The following STON1 variants were observed in gnomAD, a reference collection of about 807,000 sequenced individuals.
The protein encoded by STON1 is stonin 1, also known as stonin-1.
In STON1, 79 loss-of-function variants were observed where a neutral mutation model predicts 60.9. The ratio of observed to expected loss-of-function variants is 1.30; its 90% CI spans 1.08 to 1.56. STON1 has a LOEUF of 1.56. Among genes scored for constraint, STON1 ranks in the 40% most tolerant of loss-of-function variants. The pLI is 0.00. For synonymous variants in STON1, 363 were observed against 306.9 expected (o/e 1.18, Z -1.91); for missense variants, 1,166 against 858.9 (o/e 1.36, Z -4.47).
At chr2:48,533,151 A>G (rs1045641431) in intron 1 of STON1, among the ~76,000 whole-genome samples, 3 of 152,124 alleles carry the variant, frequency 2.0e-5, no homozygotes, top group African/African-American at 7.2e-5. Context: ...GGGGAGGCCA[A>G]GGCAGGCAGA....
In STON1 at chr2:48,559,427, C is replaced by T. The variant is rs76338522; in HGVS notation, c.-47-21160C>T. On this transcript the variant is annotated intron_variant, in intron 1 of 3. Transcript: ENST00000404752. ...GTTCTCAGATGGCGGAAGGGACAAA[C>T]AAGCTCTCTGGGGCCTCTTTGATAA... Among the ~76,000 whole-genome samples, 532 of 152,250 alleles carry T rather than the reference C, an allele frequency of 3.5e-3. 3 individuals carry two copies. The highest frequency in any genetic ancestry group is 0.012 in the African/African-American group (496 of 41,534).
intron 1 of STON1, among the ~76,000 whole-genome samples, chr2:48,543,825 C>G (rs1671754611): frequency 6.6e-6 from 1 of 152,150 alleles, no homozygotes; most frequent in Non-Finnish European, 1.5e-5. Context: ...AGCCACCACT[C>G]CCGACAACGA....
intron 2 of STON1, among the ~76,000 whole-genome samples, chr2:48,583,408 T>C (rs562693316): frequency 6.6e-6 from 1 of 152,286 alleles, no homozygotes; most frequent in East Asian, 1.9e-4. Flanking sequence ...TGTTTTAGAA[T>C]TAGGTGGACA....
intron 1 of STON1, among the ~76,000 whole-genome samples, chr2:48,561,071 C>T (rs936743053): frequency 6.6e-6 from 1 of 152,214 alleles, no homozygotes; most frequent in Non-Finnish European, 1.5e-5. Context: ...TGGGGCTTTA[C>T]CCATTGTCTT....
intron 1 of STON1, among the ~76,000 whole-genome samples, chr2:48,561,464 C>G (rs1203062210): frequency 6.6e-6 from 1 of 152,250 alleles, no homozygotes; most frequent in South Asian, 2.1e-4. Context: ...TCTGATTGTG[C>G]GAACCTCAGG....
At chr2:48,543,092 A>C (rs1671722903) in intron 1 of STON1, among the ~76,000 whole-genome samples, 1 of 148,326 alleles carries the variant, frequency 6.7e-6, no homozygotes, top group African/African-American at 2.5e-5. Flanking sequence ...CTCCTGCTTC[A>C]GCCTCCTGAG....
chr2:48,598,511 C>G lies in STON1; in HGVS notation c.*3209C>G, dbSNP rs13388405. 84,228 of 152,414 alleles carry G rather than the reference C, an allele frequency of 0.55. 24,183 individuals carry two copies. The highest frequency in any genetic ancestry group is 0.69 in the South Asian group (3,325 of 4,824). The allele number at this position is 152,414 out of a possible 1,614,324, so 9.4% of individuals were successfully genotyped here. ...TCAAAAATTAAAAATGTATTTCAAACTATTCTTACTGTGCTGTGAATTTAT... is the reference window on the plus strand; with the variant it reads ...TCAAAAATTAAAAATGTATTTCAAAGTATTCTTACTGTGCTGTGAATTTAT... On this transcript the variant is annotated 3_prime_UTR_variant, in exon 4 of 4. Coordinates refer to ENST00000404752, the MANE Select transcript of STON1 (RefSeq NM_006873.4).
intron 1 of STON1, among the ~76,000 whole-genome samples, chr2:48,570,587 G>T (rs748914215): frequency 3.9e-5 from 6 of 151,994 alleles, no homozygotes; most frequent in African/African-American, 9.7e-5. Context: ...GAGGTCTAAG[G>T]TTGCAAACCA....
chr2:48,539,515 G>C (rs1180137251), intron 1 of STON1, among the ~76,000 whole-genome samples: 2 of 151,580 alleles, frequency 1.3e-5, no homozygotes, highest in Non-Finnish European at 2.9e-5. Context: ...TTTCTTTTTT[G>C]AGATGGGATG....
chr2:48,550,493 A>T (rs10185610), intron 1 of STON1, among the ~76,000 whole-genome samples: 1 of 147,360 alleles, frequency 6.8e-6, no homozygotes. Context: ...GTGAAACTCT[A>T]TCTCAAAAAA....
intron 1 of STON1, among the ~76,000 whole-genome samples, chr2:48,561,971 G>T (rs960604696): frequency 6.6e-6 from 1 of 151,954 alleles, no homozygotes; most frequent in East Asian, 1.9e-4. Flanking sequence ...AGTGATTCTC[G>T]TGCCTCAGCC....
chr2:48,582,598 G>A lies in STON1; in HGVS notation c.1930+35G>A, dbSNP rs941142439. Reference sequence around the variant, plus strand: ...CAACACCCCAAGTTTATTTTCATGGGAAATAGCTTAAATATTCTTACCTTC... The same window carrying A: ...CAACACCCCAAGTTTATTTTCATGGAAAATAGCTTAAATATTCTTACCTTC... On this transcript the variant is annotated intron_variant, in intron 2 of 3. Coordinates refer to ENST00000404752, the MANE Select transcript of STON1 (RefSeq NM_006873.4). 7 of 1,581,560 alleles carry A rather than the reference G, an allele frequency of 4.4e-6. No homozygotes were observed. The African/African-American group carries it at 8.1e-5, about 18-fold the overall frequency.
At chr2:48,557,375 T>G (rs1396788497) in intron 1 of STON1, among the ~76,000 whole-genome samples, 2 of 89,428 alleles carry the variant, frequency 2.2e-5, no homozygotes, top group Non-Finnish European at 4.8e-5. Context: ...TCTCAGACGA[T>G]GGGCGGCCGA....
Position 48,591,740 on chromosome 2 carries a change from T to C in STON1, c.2018T>C (p.Val673Ala), listed in dbSNP as rs772189617. 4.3e-6 allele frequency: 7 copies of C among 1,614,168 alleles called. No individual in the cohort carries two copies. Among genetic ancestry groups the C allele is most frequent in the Non-Finnish European group, 5.9e-6 (7 of 1,180,022 alleles). ...IPSDWYPFAT[V>A]QFSVPDTCAS... ...TCTGATTGGTATCCATTTGCTACTGTTCAGTTTTCCGTGCCTGACACCTGT... is the reference window on the plus strand; with the variant it reads ...TCTGATTGGTATCCATTTGCTACTGCTCAGTTTTCCGTGCCTGACACCTGT... The change falls in exon 3 of 4, where the codon GTT (valine) becomes GCT (alanine). Residue 673 changes from valine (V) to alanine (A), a missense_variant. By Grantham distance (64) the Val-to-Ala change is moderately conservative. Transcript: ENST00000404752.
At chr2:48,580,060 C>T (rs1466261325) in intron 1 of STON1, among the ~76,000 whole-genome samples, 1 of 152,116 alleles carries the variant, frequency 6.6e-6, no homozygotes, top group African/African-American at 2.4e-5. Context: ...GTGCCCACCA[C>T]CATGCTTGGC....
At chr2:48,586,012 C>A (rs1030360105) in intron 2 of STON1, among the ~76,000 whole-genome samples, 3 of 152,244 alleles carry the variant, frequency 2.0e-5, no homozygotes, top group African/African-American at 7.2e-5. Flanking sequence ...CCTTTGTAGT[C>A]CATTCCTATT....
Position 48,595,955 on chromosome 2 carries a change from G to C in STON1, c.*653G>C, listed in dbSNP as rs1674767454. On this transcript the variant is annotated 3_prime_UTR_variant, in exon 4 of 4. Coordinates refer to ENST00000404752, the MANE Select transcript of STON1 (RefSeq NM_006873.4). ...TTTGTTTTCTGGCGCGTGCTGCAAA[G>C]AAGCTATTTCTGTTGTCCTACATAT... The C allele has an allele frequency of 6.6e-6, 1 of 152,160 alleles. No individual in the cohort carries two copies. Among genetic ancestry groups the C allele is most frequent in the Non-Finnish European group, 1.5e-5 (1 of 68,036 alleles). 9.4% of individuals were successfully genotyped at this position (152,160 alleles called of 1,614,324 possible). A position where few individuals can be genotyped will look rare whatever the true frequency, so the allele number is the denominator to read the frequency against.
intron 2 of STON1, among the ~76,000 whole-genome samples, chr2:48,584,405 C>T (rs1357746946): frequency 9.2e-5 from 14 of 151,968 alleles, no homozygotes; most frequent in Admixed American, 7.9e-4. Context: ...GTAGCTGGGA[C>T]GACAGGCGTG....
At chr2:48,564,480 T>TTCTTCTTCTTCCTTCTTCTTCTTC (rs1558604783) in intron 1 of STON1, among the ~76,000 whole-genome samples, 1 of 32,480 alleles carries the variant, frequency 3.1e-5, no homozygotes, top group Non-Finnish European at 6.4e-5. Context: ...CTTCTTCTTC[T>TTCTTCTTCTTCCTTCTTCTTCTTC]TTCTTCTTCT....
Sources: allele counts gnomAD v4.1 joint callset (sites outside exome capture counted in the v4.1 genomes callset), GRCh38; gene constraint gnomAD v4.1.1; transcripts MANE v1.5; gene names NCBI Gene and HGNC (gene_info 2026-07-23, HGNC 2026-07-21).